PHACTR1: variants seen among roughly 807,000 people sequenced by gnomAD.
The protein encoded by PHACTR1 is RPEL repeat containing 1.
In PHACTR1, 16 loss-of-function variants were observed where a neutral mutation model predicts 69.2. The ratio of observed to expected loss-of-function variants is 0.23; its 90% confidence interval spans 0.16 to 0.35. PHACTR1 has a LOEUF of 0.35. Ranked by LOEUF, PHACTR1 falls within the 10% of genes least tolerant of loss-of-function variation. The pLI, the probability that PHACTR1 is intolerant of heterozygous loss-of-function variation, is 1.00. For missense variants in PHACTR1, 510 were observed against 734.7 expected (o/e 0.69, Z 3.54); for synonymous variants, 312 against 284.5 (o/e 1.10, Z -0.97).
chr6:13,221,983 C>T (rs1408819107), intron 8 of PHACTR1, among the ~76,000 whole-genome samples: 3 of 151,228 alleles, frequency 2.0e-5, no homozygotes, highest in South Asian at 2.1e-4. Flanking sequence ...TGCAGTGAGC[C>T]GAGATCACGC....
chr6:13,015,799 C>T (rs1033933880), intron 4 of PHACTR1, among the ~76,000 whole-genome samples: 3 of 152,340 alleles, frequency 2.0e-5, no homozygotes, highest in Non-Finnish European at 4.4e-5. Context: ...TTGAAACGTG[C>T]GTCATCTCCA....
chr6:12,727,428 C>T (rs965083627), intron 3 of PHACTR1, among the ~76,000 whole-genome samples: 4 of 152,130 alleles, frequency 2.6e-5, no homozygotes, highest in African/African-American at 9.7e-5. Context: ...GCTCTTAGTG[C>T]CTTTGCCCCT....
intron 4 of PHACTR1, among the ~76,000 whole-genome samples, chr6:12,931,964 C>T (rs1198797542): frequency 1.1e-4 from 16 of 151,684 alleles, no homozygotes; most frequent in Admixed American, 6.6e-5. Flanking sequence ...AGAGTATGGT[C>T]CCAGACCAGC....
rs762931495 is a variant in PHACTR1 at position 13,228,041 on chromosome 6, C to T, written c.1212C>T (p.Asp404=). Residue 404 remains aspartate (D), a synonymous_variant, in exon 9 of 15, where the codon GAC becomes GAT. Coordinates refer to ENST00000332995, the MANE Select transcript of PHACTR1 (RefSeq NM_030948.6). The stretch of plus-strand genomic sequence containing the variant: ...AGGAGGAAGAGGAGGAGGACGAAGA[C>T]GACGACAGCTCATTATACACCAGTG... ...REEEEEEEDE[D]DDSSLYTSSL... 3.0e-5 allele frequency: 49 copies of T among 1,612,940 alleles called. No homozygotes were observed. The highest frequency in any genetic ancestry group is 4.4e-5 in the South Asian group (4 of 91,084).
At chr6:12,971,929 A>G (rs1236606848) in intron 4 of PHACTR1, among the ~76,000 whole-genome samples, 1 of 152,238 alleles carries the variant, frequency 6.6e-6, no homozygotes, top group Non-Finnish European at 1.5e-5. Flanking sequence ...TCCCTGGGGT[A>G]TTATACACAG....
At chr6:13,286,063 A>G (rs911980956) in intron 13 of PHACTR1, 83 bp from the exon 14 acceptor site, 3 of 1,172,596 alleles carry the variant, frequency 2.6e-6, no homozygotes, top group African/African-American at 3.2e-5. Context: ...AAGAAGAAAA[A>G]TATGTTGTTA....
chr6:12,798,679 G>T (rs1404963030), intron 4 of PHACTR1, among the ~76,000 whole-genome samples: 10 of 152,160 alleles, frequency 6.6e-5, no homozygotes, highest in Non-Finnish European at 1.3e-4. Context: ...TGTATGCTTT[G>T]GATGGTCGCT....
chr6:13,281,536 A>G (rs1417350496), intron 12 of PHACTR1: 1 of 221,890 alleles, frequency 4.5e-6, no homozygotes, highest in Non-Finnish European at 9.8e-6. Context: ...CAGCCTGGGC[A>G]ACAGAGTGAG....
At chr6:12,868,379 G>C (rs1273131690) in intron 4 of PHACTR1, among the ~76,000 whole-genome samples, 1 of 151,592 alleles carries the variant, frequency 6.6e-6, no homozygotes, top group Non-Finnish European at 1.5e-5. Context: ...TGTTGTTCAT[G>C]ATGAGATGAT....
At chr6:12,724,465 A>C (rs1762530974) in intron 3 of PHACTR1, among the ~76,000 whole-genome samples, 2 of 152,244 alleles carry the variant, frequency 1.3e-5, no homozygotes, top group Admixed American at 6.5e-5. Context: ...CAGACTAGAA[A>C]ACCGAAGACT....
intron 4 of PHACTR1, among the ~76,000 whole-genome samples, chr6:12,927,885 A>G (rs1313780771): frequency 6.6e-6 from 1 of 152,176 alleles, no homozygotes; most frequent in Non-Finnish European, 1.5e-5. Flanking sequence ...TCTAAGAGGA[A>G]TTATCCTCCC....
chr6:13,011,357 C>T (rs1582952664), intron 4 of PHACTR1, among the ~76,000 whole-genome samples: 1 of 152,326 alleles, frequency 6.6e-6, no homozygotes, highest in East Asian at 1.9e-4. Context: ...TATTGCATAG[C>T]ACCATTAGAG....
intron 4 of PHACTR1, among the ~76,000 whole-genome samples, chr6:12,869,495 G>T (rs939891540): frequency 1.3e-5 from 2 of 151,954 alleles, no homozygotes; most frequent in African/African-American, 4.8e-5. Context: ...CCACAATACT[G>T]GTCCTCCTGC....
intron 6 of PHACTR1, among the ~76,000 whole-genome samples, chr6:13,170,667 A>G (rs1373294481): frequency 6.6e-6 from 1 of 152,242 alleles, no homozygotes; most frequent in African/African-American, 2.4e-5. Context: ...CATAATGTCT[A>G]AAAGAACAGT....
intron 8 of PHACTR1, among the ~76,000 whole-genome samples, chr6:13,212,589 C>T (rs1767026217): frequency 6.6e-6 from 1 of 152,190 alleles, no homozygotes; most frequent in Admixed American, 6.5e-5. Context: ...AGCGTCTCTT[C>T]TCCAAAATTC....
intron 4 of PHACTR1, among the ~76,000 whole-genome samples, chr6:12,890,795 G>A (rs1339893354): frequency 6.6e-6 from 1 of 152,050 alleles, no homozygotes; most frequent in African/African-American, 2.4e-5. Context: ...TTCCAACTCT[G>A]TTTTACTTGT....
chr6:13,074,592 G>A (rs1411378859), intron 5 of PHACTR1, among the ~76,000 whole-genome samples: 2 of 152,214 alleles, frequency 1.3e-5, no homozygotes, highest in Non-Finnish European at 2.9e-5. Context: ...ATTTGAGGAA[G>A]GCCATGCCCA....
chr6:12,944,305 C>A (rs1203768073), intron 4 of PHACTR1, among the ~76,000 whole-genome samples: 1 of 152,148 alleles, frequency 6.6e-6, no homozygotes, highest in Non-Finnish European at 1.5e-5. Context: ...TCAATCTGCC[C>A]AATTACAATT....
At chr6:13,165,908 C>T (rs1759733288) in intron 6 of PHACTR1, among the ~76,000 whole-genome samples, 1 of 152,188 alleles carries the variant, frequency 6.6e-6, no homozygotes, top group Non-Finnish European at 1.5e-5. Flanking sequence ...TAAATCAGAG[C>T]CTGTCACTGC....
Sources: allele counts gnomAD v4.1 joint callset (sites outside exome capture counted in the v4.1 genomes callset), GRCh38; gene constraint gnomAD v4.1.1; transcripts MANE v1.5; gene names NCBI Gene and HGNC (gene_info 2026-07-23, HGNC 2026-07-21).